ARHGEF7: variants seen among roughly 807,000 people sequenced by gnomAD.
The protein encoded by ARHGEF7 is Rho guanine nucleotide exchange factor 7.
In ARHGEF7, 33 loss-of-function variants were observed where a neutral mutation model predicts 109.8. That is an observed-to-expected ratio of 0.30 (90% CI 0.23 to 0.40). The LOEUF is 0.40. ARHGEF7 is among the 10% of genes least tolerant of loss of function. ARHGEF7 has a pLI of 1.00. For missense variants in ARHGEF7, 938 were observed against 1,098.5 expected (o/e 0.85, Z 2.07); for synonymous variants, 458 against 424.6 (o/e 1.08, Z -0.97).
chr13:111,298,965 G>T (rs976984592), intron 19 of ARHGEF7, among the ~76,000 whole-genome samples: 1 of 152,184 alleles, frequency 6.6e-6, no homozygotes, highest in Admixed American at 6.5e-5. Flanking sequence ...TTCCATTATC[G>T]GTGTGGCAAG....
At position 111,138,940 on chromosome 13, in the gene ARHGEF7, CT is replaced by C. The variant is rs2075217036; in HGVS notation, c.166-14962del. Among the ~76,000 whole-genome samples, 8 of 152,254 alleles carry C rather than the reference CT, an allele frequency of 5.3e-5. No individual in the cohort carries two copies. The South Asian group carries it at 1.5e-3, about 28-fold the overall frequency. On this transcript the variant is annotated intron_variant, in intron 1 of 21. Transcript: ENST00000646102. Reference sequence around the variant, plus strand: ...CTGAAGCCTTTGGTGACCGTGGCTGCTTTCATGAATGGCGCTGGAATCACCT... The same window carrying C: ...CTGAAGCCTTTGGTGACCGTGGCTGCTTCATGAATGGCGCTGGAATCACCT...
chr13:111,284,494 GCA>G (rs2092931493), intron 16 of ARHGEF7, among the ~76,000 whole-genome samples: 1 of 152,172 alleles, frequency 6.6e-6, no homozygotes, highest in African/African-American at 2.4e-5. Context: ...ACTTTAGTGT[GCA>G]CAGTCTAAAG....
At chr13:111,141,447 G>GA (rs1247604968) in intron 1 of ARHGEF7, among the ~76,000 whole-genome samples, 1 of 151,986 alleles carries the variant, frequency 6.6e-6, no homozygotes, top group African/African-American at 2.4e-5. Context: ...AGCTATGGGG[G>GA]AAGTGTCGCA....
At chr13:111,219,426 A>G (rs764426264) in intron 5 of ARHGEF7, among the ~76,000 whole-genome samples, 2 of 152,212 alleles carry the variant, frequency 1.3e-5, no homozygotes, top group Non-Finnish European at 2.9e-5. Flanking sequence ...CCTCTTGGCT[A>G]TGTGAATAAT....
intron 6 of ARHGEF7, among the ~76,000 whole-genome samples, chr13:111,233,519 C>G (rs1461546080): frequency 6.6e-6 from 1 of 152,136 alleles, no homozygotes; most frequent in East Asian, 1.9e-4. Context: ...GGAAATGTCC[C>G]TTGCTCTTGT....
chr13:111,268,086 G>A (rs1355809375), intron 9 of ARHGEF7, among the ~76,000 whole-genome samples: 1 of 152,202 alleles, frequency 6.6e-6, no homozygotes, highest in Non-Finnish European at 1.5e-5. Flanking sequence ...TTACATTGGA[G>A]ACCCTTAGCT....
At chr13:111,295,213 G>T in intron 19 of ARHGEF7, 1 of 985,310 alleles carries the variant, frequency 1.0e-6, no homozygotes, top group Non-Finnish European at 1.2e-6. Flanking sequence ...TTTAATATTT[G>T]TTACATGGGG....
At chr13:111,179,728 C>T (rs1331655491) in intron 2 of ARHGEF7, among the ~76,000 whole-genome samples, 2 of 152,158 alleles carry the variant, frequency 1.3e-5, no homozygotes, top group African/African-American at 4.8e-5. Flanking sequence ...GCCTTTATCG[C>T]TTTAACGTTA....
At chr13:111,245,549 G>A (rs1247756016) in intron 8 of ARHGEF7, among the ~76,000 whole-genome samples, 1 of 152,100 alleles carries the variant, frequency 6.6e-6, no homozygotes. Context: ...GCAGCTTCTC[G>A]TGTAGTTGTA....
At chr13:111,181,322 G>T (rs950844924) in intron 2 of ARHGEF7, among the ~76,000 whole-genome samples, 1 of 152,142 alleles carries the variant, frequency 6.6e-6, no homozygotes, top group African/African-American at 2.4e-5. Flanking sequence ...ACATCCCTTT[G>T]CTGAGAGAAG....
At chr13:111,302,432 G>A (rs919874293) in intron 21 of ARHGEF7, among the ~76,000 whole-genome samples, 2 of 152,230 alleles carry the variant, frequency 1.3e-5, no homozygotes, top group Non-Finnish European at 2.9e-5. Context: ...CTGGACATGT[G>A]CTGTCATTCT....
intron 2 of ARHGEF7, among the ~76,000 whole-genome samples, chr13:111,162,328 C>T (rs548483473): frequency 2.6e-4 from 39 of 152,266 alleles, no homozygotes; most frequent in Admixed American, 2.0e-3. Flanking sequence ...TCAACATTTC[C>T]TGCATTGGAC....
At chr13:111,227,171 G>T (rs2085323448) in intron 5 of ARHGEF7, among the ~76,000 whole-genome samples, 1 of 152,252 alleles carries the variant, frequency 6.6e-6, no homozygotes, top group Admixed American at 6.5e-5. Flanking sequence ...CGTGAACATT[G>T]TTGAAATAAC....
chr13:111,279,289 T>A (rs2092657659), intron 13 of ARHGEF7, among the ~76,000 whole-genome samples: 1 of 152,034 alleles, frequency 6.6e-6, no homozygotes, highest in Admixed American at 6.6e-5. Context: ...GCCTGGGCAC[T>A]GCTGACGTTC....
At chr13:111,299,630 C>T (rs1042687656) in intron 19 of ARHGEF7, among the ~76,000 whole-genome samples, 6 of 152,224 alleles carry the variant, frequency 3.9e-5, no homozygotes, top group African/African-American at 1.2e-4. Flanking sequence ...GCGTGAGCCA[C>T]GGCACCCGGC....
chr13:111,292,949 T>C (rs1335344242), intron 19 of ARHGEF7: 1 of 985,838 alleles, frequency 1.0e-6, no homozygotes, highest in South Asian at 4.7e-5. Flanking sequence ...ACCTCACGGC[T>C]CTGTGCTCTT....
intron 9 of ARHGEF7, among the ~76,000 whole-genome samples, chr13:111,271,662 A>G (rs1376768689): frequency 6.6e-6 from 1 of 152,188 alleles, no homozygotes; most frequent in African/African-American, 2.4e-5. Context: ...ACAAAGACAG[A>G]CACCACGTAC....
Position 111,126,679 on chromosome 13 carries a change from C to T in ARHGEF7, c.165+10988C>T, listed in dbSNP as rs556789617. On this transcript the variant is annotated intron_variant, in intron 1 of 21. Transcript: ENST00000646102. ...AAATAAAAGTTCATTTATGGCACTT[C>T]TGACCAAGCTCATTTCCCTAGATTG... is the stretch of plus-strand genomic sequence containing the variant. 3.3e-5 allele frequency among the ~76,000 whole-genome samples: 5 copies of T among 152,310 alleles called. No homozygotes were observed. The South Asian group carries it at 1.0e-3, about 32-fold the overall frequency.
intron 20 of ARHGEF7, among the ~76,000 whole-genome samples, chr13:111,301,068 C>T (rs2093555351): frequency 6.6e-6 from 1 of 152,136 alleles, no homozygotes; most frequent in Non-Finnish European, 1.5e-5. Context: ...CCTGCCTCAG[C>T]CTCCCGAGTA....
Sources: gnomAD v4.1 joint callset for allele counts (sites outside exome capture counted in the v4.1 genomes callset) on GRCh38, gnomAD v4.1.1 for gene constraint, MANE v1.5 for transcripts, NCBI Gene and HGNC (gene_info 2026-07-23, HGNC 2026-07-21) for gene names.